The following TBCD variants were observed in gnomAD, a reference collection of about 807,000 sequenced individuals.
The protein encoded by TBCD is tubulin-specific chaperone D.
Under a neutral mutation model 169.3 loss-of-function variants are expected in TBCD, and 105 were observed. The ratio of observed to expected loss-of-function variants is 0.62; its 90% CI spans 0.53 to 0.73. The LOEUF is 0.73. TBCD is among the 30% of genes least tolerant of loss of function. The probability of loss-of-function intolerance (pLI) is 0.00; values close to 1 mark genes in which losing one functional copy is unlikely to be tolerated. For missense variants in TBCD, 1,444 were observed against 1,600.1 expected (o/e 0.90, Z 1.66); for synonymous variants, 700 against 643.9 (o/e 1.09, Z -1.32).
At position 82,890,593 on chromosome 17, in the gene TBCD, C is replaced by G. The variant is rs552193970; in HGVS notation, c.1563+896C>G. Among the ~76,000 whole-genome samples, 4 of 152,164 alleles carry G rather than the reference C, an allele frequency of 2.6e-5. No homozygotes were observed. The highest frequency in any genetic ancestry group is 4.2e-4 in the South Asian group (2 of 4,812). On this transcript the variant is annotated intron_variant, in intron 16 of 38. Coordinates refer to ENST00000355528, the MANE Select transcript of TBCD (RefSeq NM_005993.5). The surrounding 1 kb of genome is among the most constrained non-coding windows in gnomAD (Gnocchi z 5.3). ...GGAGAGGCGGGCGGACGAGGACTTG[C>G]GCCTGTTATTGAAATGGTTCTGGAG...
At chr17:82,901,143 G>A (rs1424219117) in intron 18 of TBCD, among the ~76,000 whole-genome samples, 3 of 152,236 alleles carry the variant, frequency 2.0e-5, no homozygotes, top group East Asian at 1.9e-4. Context: ...CTTAGTGGCC[G>A]TTTTCATCAT....
intron 29 of TBCD, among the ~76,000 whole-genome samples, 171 bp downstream of exon 29, chr17:82,927,494 C>T (rs966688813): frequency 9.2e-5 from 14 of 152,318 alleles, no homozygotes; most frequent in Non-Finnish European, 1.3e-4. Flanking sequence ...GGTGAGCCTG[C>T]GTGGCAGGGC....
intron 21 of TBCD, 145 bp from the exon 22 acceptor site, chr17:82,909,140 C>G: frequency 1.7e-6 from 1 of 574,932 alleles, no homozygotes; most frequent in South Asian, 2.5e-5. Context: ...AGGTGGGCCT[C>G]CGTCCTCAGC....
Position 82,782,747 on chromosome 17 carries a change from A to G in TBCD, c.771+1026A>G, listed in dbSNP as rs1230953905. On this transcript the variant is annotated intron_variant, in intron 7 of 38. Transcript: ENST00000355528. This position sits in a 1 kb window ranked among gnomAD's most constrained non-coding sequence, Gnocchi z 5.1. Reference sequence around the variant, plus strand: ...CTCCTGTCCGCAGCATCGTCTTCCTATCCGCGGCATTGTCTTCCTATCCGC... The same window carrying G: ...CTCCTGTCCGCAGCATCGTCTTCCTGTCCGCGGCATTGTCTTCCTATCCGC... Among the ~76,000 whole-genome samples the G allele has an allele frequency of 7.2e-6, 1 of 138,810 alleles. No individual in the cohort carries two copies. Among genetic ancestry groups the G allele is most frequent in the Non-Finnish European group, 1.5e-5 (1 of 65,794 alleles). 91.1% of individuals were successfully genotyped at this position (138,810 alleles called of 152,430 possible).
rs2063495213 is a variant in TBCD, at chr17:82,943,877, G to GGTGA, written c.*1416_*1419dup. On this transcript the variant is annotated 3_prime_UTR_variant, in exon 39 of 39. Coordinates refer to ENST00000355528, the MANE Select transcript of TBCD (RefSeq NM_005993.5). ...CTGTCCCGATTGGCTGGGGTCACGTGGTGAGGGTCCTGGGTGACCAGGCCT... is the reference window on the plus strand; with the variant it reads ...CTGTCCCGATTGGCTGGGGTCACGTGGTGAGTGAGGGTCCTGGGTGACCAGGCCT... 6.6e-6 allele frequency: 1 copy of GGTGA among 152,298 alleles called. No individual in the cohort carries two copies. The highest frequency in any genetic ancestry group is 1.5e-5 in the Non-Finnish European group (1 of 68,098). 9.4% of individuals were successfully genotyped at this position (152,298 alleles called of 1,614,324 possible).
intron 8 of TBCD, among the ~76,000 whole-genome samples, chr17:82,800,198 C>G (rs972284449): frequency 6.6e-6 from 1 of 152,182 alleles, no homozygotes; most frequent in Non-Finnish European, 1.5e-5. Context: ...CACTTCCACC[C>G]CAGCCCTTGT....
intron 19 of TBCD, among the ~76,000 whole-genome samples, chr17:82,905,510 C>T (rs1014926877): frequency 4.2e-5 from 6 of 143,656 alleles, no homozygotes; most frequent in South Asian, 2.2e-4. Flanking sequence ...CCTGCCCTCC[C>T]GGCCCTGTGT....
At chr17:82,842,533 A>G (rs1053255611) in intron 13 of TBCD, among the ~76,000 whole-genome samples, 1 of 152,084 alleles carries the variant, frequency 6.6e-6, no homozygotes, top group African/African-American at 2.4e-5. Context: ...TCTCTCTTGC[A>G]CTGGAAGGCC....
At chr17:82,925,329 A>T (rs1397208756) in intron 27 of TBCD, among the ~76,000 whole-genome samples, 1 of 152,208 alleles carries the variant, frequency 6.6e-6, no homozygotes, top group East Asian at 1.9e-4. Flanking sequence ...TGTTTGTAGA[A>T]GCAGCTGCCG....
intron 14 of TBCD, among the ~76,000 whole-genome samples, chr17:82,883,380 G>A (rs2058506143): frequency 6.6e-6 from 1 of 152,262 alleles, no homozygotes; most frequent in South Asian, 2.1e-4. Flanking sequence ...CAAACCCCCT[G>A]TGTTCTGTGC....
chr17:82,793,573 C>T (rs531120191), intron 7 of TBCD, among the ~76,000 whole-genome samples: 2 of 152,204 alleles, frequency 1.3e-5, no homozygotes, highest in Non-Finnish European at 1.5e-5. Context: ...AGCCTTTGCA[C>T]GTCCTGCAGG....
chr17:82,898,362 C>T (rs1292809834), intron 17 of TBCD, among the ~76,000 whole-genome samples: 3 of 146,352 alleles, frequency 2.0e-5, no homozygotes, highest in Admixed American at 6.8e-5. Flanking sequence ...TGGGAGCACA[C>T]GGCACGGCTC....
At chr17:82,870,177 GC>G (rs775191696) in intron 13 of TBCD, 46 bp from the exon 14 acceptor site, 7 of 1,609,488 alleles carry the variant, frequency 4.3e-6, no homozygotes, top group Non-Finnish European at 5.9e-6. Context: ...CTCACGTGTT[GC>G]CCGTGTGGTC....
chr17:82,882,788 G>T (rs1273999803), intron 14 of TBCD, among the ~76,000 whole-genome samples: 1 of 152,250 alleles, frequency 6.6e-6, no homozygotes, highest in South Asian at 2.1e-4. Flanking sequence ...TCTGGGTCTG[G>T]GTCTGGGGCG....
Position 82,782,366 on chromosome 17 carries a change from G to A in TBCD, c.771+645G>A, listed in dbSNP as rs1907751655. 1.3e-5 allele frequency among the ~76,000 whole-genome samples: 2 copies of A among 152,216 alleles called. No homozygotes were observed. Among genetic ancestry groups the A allele is most frequent in the African/African-American group, 2.4e-5 (1 of 41,462 alleles). Reference sequence around the variant, plus strand: ...CCTTCTGGAGGGGGAGCCGGCAGCCGGCTGTGGCCTTTGGCGTGGTGGGTT... The same window carrying A: ...CCTTCTGGAGGGGGAGCCGGCAGCCAGCTGTGGCCTTTGGCGTGGTGGGTT... On this transcript the variant is annotated intron_variant, in intron 7 of 38. Coordinates refer to ENST00000355528, the MANE Select transcript of TBCD (RefSeq NM_005993.5). This position sits in a 1 kb window ranked among gnomAD's most constrained non-coding sequence, Gnocchi z 5.1.
chr17:82,762,474 C>T (rs971997509), intron 2 of TBCD, among the ~76,000 whole-genome samples: 5 of 151,946 alleles, frequency 3.3e-5, no homozygotes, highest in Non-Finnish European at 5.9e-5. Flanking sequence ...CTTGGCCAGG[C>T]GCGGTGGCTC....
intron 13 of TBCD, among the ~76,000 whole-genome samples, chr17:82,865,690 A>G (rs888149194): frequency 5.3e-5 from 8 of 152,134 alleles, no homozygotes; most frequent in Non-Finnish European, 1.2e-4. Flanking sequence ...TAAAATTAGT[A>G]AAACCTCATT....
chr17:82,781,091 C>T (rs926935410), intron 6 of TBCD, among the ~76,000 whole-genome samples: 3 of 152,020 alleles, frequency 2.0e-5, no homozygotes, highest in African/African-American at 7.3e-5. Context: ...ACACGAGCAG[C>T]TGGCTGTGGA....
chr17:82,776,305 A>C (rs1321692316), intron 6 of TBCD, among the ~76,000 whole-genome samples: 2 of 152,064 alleles, frequency 1.3e-5, no homozygotes. Flanking sequence ...AGCTATTCCG[A>C]AGGCTGGGTG....
Sources: gnomAD v4.1 joint callset for allele counts (sites outside exome capture counted in the v4.1 genomes callset) on GRCh38, gnomAD v4.1.1 for gene constraint, Gnocchi (gnomAD v3.1) non-coding constraint, MANE v1.5 for transcripts, NCBI Gene and HGNC (gene_info 2026-07-23, HGNC 2026-07-21) for gene names.